SMAD3: variants seen among roughly 807,000 people sequenced by gnomAD.
The protein encoded by SMAD3 is SMAD family member 3, also known as MAD homolog 3.
SMAD3 carries 12 observed loss-of-function variants against 51.8 expected under a neutral mutation model. The observed-to-expected ratio is 0.23, with a 90% CI of 0.15 to 0.38. SMAD3 has a LOEUF of 0.38. SMAD3 is among the 10% of genes least tolerant of loss of function. The pLI is 1.00. For synonymous variants in SMAD3, 238 were observed against 227.7 expected, an observed-to-expected ratio of 1.05 and a Z score of -0.41; for missense variants, 294 against 565.6, an observed-to-expected ratio of 0.52 and a Z score of 4.87.
chr15:67,148,122 A>C (rs1962029578), intron 1 of SMAD3, among the ~76,000 whole-genome samples: 1 of 152,234 alleles, frequency 6.6e-6, no homozygotes, highest in Non-Finnish European at 1.5e-5. Context: ...AAGTGTAGAC[A>C]CAGAACACCT....
chr15:67,187,450 G>T lies in SMAD3; in HGVS notation c.1095G>T (p.Gln365His). The T allele has an allele frequency of 6.2e-7, 1 of 1,614,198 alleles. No individual in the cohort carries two copies. The highest frequency in any genetic ancestry group is 8.5e-7 in the Non-Finnish European group (1 of 1,180,032). Residue 365 changes from glutamine (Q) to histidine (H), a missense_variant, in exon 8 of 9, where the codon CAG (glutamine) becomes CAT (histidine). By Grantham distance (24) the Gln-to-His change is conservative. Coordinates refer to ENST00000327367, the MANE Select transcript of SMAD3 (RefSeq NM_005902.4). ...ACCAGGGCTTTGAGGCTGTCTACCA[G>T]TTGACCCGAATGTGCACCATCCGCA... Reference protein sequence around the residue: ...SVNQGFEAVYQLTRMCTIRMS... With the variant: ...SVNQGFEAVYHLTRMCTIRMS...
At chr15:67,179,921 A>G (rs1020965548) in intron 5 of SMAD3, among the ~76,000 whole-genome samples, 8 of 151,994 alleles carry the variant, frequency 5.3e-5, no homozygotes, top group Non-Finnish European at 5.9e-5. Context: ...CTGGGACCTC[A>G]TGGTCAAGTT....
intron 1 of SMAD3, among the ~76,000 whole-genome samples, chr15:67,114,563 A>G (rs1961094676): frequency 6.6e-6 from 1 of 152,206 alleles, no homozygotes; most frequent in Admixed American, 6.5e-5. Context: ...TTAAAGGGGT[A>G]GTTGTCATTA....
At chr15:67,070,820 C>G (rs776097803) in intron 1 of SMAD3, among the ~76,000 whole-genome samples, 1 of 151,980 alleles carries the variant, frequency 6.6e-6, no homozygotes. Flanking sequence ...ATTTTACCAC[C>G]TGCAAGGATT....
chr15:67,107,640 T>C (rs1472143566), intron 1 of SMAD3, among the ~76,000 whole-genome samples: 1 of 152,228 alleles, frequency 6.6e-6, no homozygotes, highest in Non-Finnish European at 1.5e-5. Flanking sequence ...TCACTGCCTG[T>C]CGCTGTGGTT....
intron 1 of SMAD3, among the ~76,000 whole-genome samples, chr15:67,140,982 C>A (rs778950185): frequency 6.6e-6 from 1 of 152,204 alleles, no homozygotes; most frequent in Non-Finnish European, 1.5e-5. Flanking sequence ...CACACAAAAT[C>A]TCCCAGTTTG....
At chr15:67,110,947 C>T (rs1217737772) in intron 1 of SMAD3, among the ~76,000 whole-genome samples, 1 of 152,226 alleles carries the variant, frequency 6.6e-6, no homozygotes, top group African/African-American at 2.4e-5. Flanking sequence ...ACTAGTAACA[C>T]AAGTCCAGAC....
intron 1 of SMAD3, chr15:67,125,793 C>T (rs1347361702): frequency 1.0e-6 from 1 of 985,382 alleles, no homozygotes; most frequent in African/African-American, 1.7e-5. Flanking sequence ...GGTTAGGTCA[C>T]TGCTGGGCTG....
chr15:67,158,507 G>A (rs895128745), intron 1 of SMAD3, among the ~76,000 whole-genome samples: 5 of 152,252 alleles, frequency 3.3e-5, no homozygotes, highest in Admixed American at 2.0e-4. Flanking sequence ...CCAGACTGGC[G>A]GTCGTGTGCT....
chr15:67,089,984 T>C (rs1402145809), intron 1 of SMAD3, among the ~76,000 whole-genome samples: 1 of 152,184 alleles, frequency 6.6e-6, no homozygotes, highest in African/African-American at 2.4e-5. Context: ...CCCTCACCTC[T>C]GAAGCCACAC....
At chr15:67,147,237 A>G (rs758910021) in intron 1 of SMAD3, among the ~76,000 whole-genome samples, 17 of 152,154 alleles carry the variant, frequency 1.1e-4, no homozygotes, top group Non-Finnish European at 2.2e-4. Context: ...GCCGACTTGA[A>G]AGACAGGCTG....
chr15:67,068,691 C>T (rs1252193626), intron 1 of SMAD3, among the ~76,000 whole-genome samples: 1 of 152,118 alleles, frequency 6.6e-6, no homozygotes. Context: ...TGGGTGGATC[C>T]AGACAAAATG....
chr15:67,084,073 T>TC (rs1325449090), intron 1 of SMAD3, among the ~76,000 whole-genome samples: 398 of 40,554 alleles, frequency 9.8e-3, no homozygotes, highest in African/African-American at 0.032. Flanking sequence ...TTTTTTTCTT[T>TC]TTTTTTTTTT....
At chr15:67,067,247 G>T (rs1959946515) in intron 1 of SMAD3, among the ~76,000 whole-genome samples, 1 of 152,162 alleles carries the variant, frequency 6.6e-6, no homozygotes, top group Admixed American at 6.5e-5. Context: ...CATCTGTCTG[G>T]ATCTCCTTTA....
At chr15:67,181,948 A>C (rs1377866959) in intron 6 of SMAD3, among the ~76,000 whole-genome samples, 1 of 151,992 alleles carries the variant, frequency 6.6e-6, no homozygotes, top group Non-Finnish European at 1.5e-5. Flanking sequence ...CACCACGCCC[A>C]GCTAATTTTT....
chr15:67,126,076 T>G, intron 1 of SMAD3: 6 of 572,974 alleles, frequency 1.0e-5, no homozygotes, highest in Non-Finnish European at 1.3e-5. Flanking sequence ...ACTCCCTGAG[T>G]CCTTAGGGAA....
chr15:67,066,649 G>GC (rs1421084502), intron 1 of SMAD3, among the ~76,000 whole-genome samples: 1 of 152,228 alleles, frequency 6.6e-6, no homozygotes. Flanking sequence ...GCGGGTTGCT[G>GC]CGGGACTCGG....
intron 1 of SMAD3, among the ~76,000 whole-genome samples, chr15:67,067,785 G>A (rs1566956979): frequency 6.6e-6 from 1 of 152,196 alleles, no homozygotes; most frequent in African/African-American, 2.4e-5. Flanking sequence ...CTGGGCGTGT[G>A]ATCGGGAGCC....
chr15:67,100,946 TG>T (rs761119026), intron 1 of SMAD3, among the ~76,000 whole-genome samples: 6 of 152,178 alleles, frequency 3.9e-5, no homozygotes, highest in Admixed American at 1.3e-4. Flanking sequence ...TTTATGTCTT[TG>T]GGTATGTTCT....
Sources: gnomAD v4.1 joint callset for allele counts (sites outside exome capture counted in the v4.1 genomes callset) on GRCh38, gnomAD v4.1.1 for gene constraint, MANE v1.5 for transcripts, NCBI Gene and HGNC (gene_info 2026-07-23, HGNC 2026-07-21) for gene names.